Variants in SEMA4B observed in about 807,000 individuals in gnomAD.
SEMA4B encodes semaphorin 4B.
Under a neutral mutation model 88.1 loss-of-function variants are expected in SEMA4B, and 55 were observed. The observed-to-expected ratio is 0.62, with a 90% CI of 0.50 to 0.78. The LOEUF (loss-of-function observed/expected upper bound fraction) is 0.78, where lower values mean the gene tolerates loss of function less well. Ranked by LOEUF, SEMA4B falls within the 30% of genes least tolerant of loss-of-function variation. SEMA4B has a pLI of 0.00. For missense variants in SEMA4B, 1,062 were observed against 1,111.9 expected (o/e 0.96, Z 0.64); for synonymous variants, 525 against 473.6 (o/e 1.11, Z -1.41).
intron 3 of SEMA4B, among the ~76,000 whole-genome samples, chr15:90,218,765 G>A (rs1252054489): frequency 2.6e-5 from 4 of 152,282 alleles, no homozygotes; most frequent in South Asian, 2.1e-4. Flanking sequence ...GCAGTGAGCC[G>A]AGATCTCGCC....
At chr15:90,195,247 C>T (rs985694703) in intron 1 of SEMA4B, among the ~76,000 whole-genome samples, 2 of 152,070 alleles carry the variant, frequency 1.3e-5, no homozygotes, top group African/African-American at 4.8e-5. Context: ...GTGCGCACCA[C>T]CATGCCTGAG....
At position 90,217,530 on chromosome 15, in the gene SEMA4B, C is replaced by T. The variant is rs746426445; in HGVS notation, c.249C>T (p.Tyr83=). ...LLLSRDGRTL[Y]VGAREALFAL... is the part of the protein sequence containing the mutation. ...TGAGCAGGGATGGCAGGACCCTGTA[C>T]GTGGGTGCTCGAGAGGCCCTCTTTG... Residue 83 remains tyrosine (Y), a synonymous_variant, in exon 2 of 14, where the codon TAC becomes TAT. Coordinates refer to ENST00000411539, the MANE Select transcript of SEMA4B (RefSeq NM_198925.4). 47 of 1,613,848 alleles carry T rather than the reference C, an allele frequency of 2.9e-5. No homozygotes were observed. The highest frequency in any genetic ancestry group is 4.5e-5 in the East Asian group (2 of 44,882).
At chr15:90,210,698 A>C (rs1402397036) in intron 1 of SEMA4B, among the ~76,000 whole-genome samples, 1 of 152,006 alleles carries the variant, frequency 6.6e-6, no homozygotes, top group African/African-American at 2.4e-5. Flanking sequence ...GGAGACACGG[A>C]GTGATGCTTG....
chr15:90,194,094 C>A (rs944682407), intron 1 of SEMA4B, among the ~76,000 whole-genome samples: 1 of 152,010 alleles, frequency 6.6e-6, no homozygotes, highest in African/African-American at 2.4e-5. Context: ...TCAGGTGATG[C>A]GCCCACCTCA....
In SEMA4B at chr15:90,212,666, A is replaced by ACC. The variant is rs1326273346; in HGVS notation, c.158-4772_158-4771dup. ...TGTACACACACACACACACACACAC[A>ACC]CCACAGGCAAGCTCAGGCAGGGTCC... is the stretch of plus-strand genomic sequence containing the variant. On this transcript the variant is annotated intron_variant, in intron 1 of 13. Transcript: ENST00000411539. This position sits in a 1 kb window ranked among gnomAD's most constrained non-coding sequence, Gnocchi z 4.0. Among the ~76,000 whole-genome samples the ACC allele has an allele frequency of 4.0e-5, 6 of 148,896 alleles. No homozygotes were observed. The highest frequency in any genetic ancestry group is 2.2e-4 in the South Asian group (1 of 4,608).
At position 90,212,780 on chromosome 15, in the gene SEMA4B, C is replaced by T. The variant is rs1009218376; in HGVS notation, c.158-4659C>T. Among the ~76,000 whole-genome samples the T allele has an allele frequency of 3.9e-5, 6 of 152,216 alleles. No individual in the cohort carries two copies. The highest frequency in any genetic ancestry group is 2.1e-4 in the South Asian group (1 of 4,832). ...CACTCACACCGAGCACAGACCAGCT[C>T]GCGCCCACAACACGAGCCTGTGACA... On this transcript the variant is annotated intron_variant, in intron 1 of 13. Coordinates refer to ENST00000411539, the MANE Select transcript of SEMA4B (RefSeq NM_198925.4). The surrounding 1 kb of genome is among the most constrained non-coding windows in gnomAD (Gnocchi z 4.0).
upstream of SEMA4B, among the ~76,000 whole-genome samples, chr15:90,196,594 C>G (rs1384870905): frequency 2.0e-5 from 3 of 152,114 alleles, no homozygotes; most frequent in African/African-American, 7.2e-5. Flanking sequence ...TCAAGAGATT[C>G]TCCTGCCTCA....
At chr15:90,209,712 C>G (rs1856926067) in intron 1 of SEMA4B, among the ~76,000 whole-genome samples, 1 of 152,198 alleles carries the variant, frequency 6.6e-6, no homozygotes, top group African/African-American at 2.4e-5. Flanking sequence ...CCTTGCCCAG[C>G]CGGGGATCCA....
rs1182932976 is a variant in SEMA4B at position 90,223,687 on chromosome 15, C to T, written c.990C>T (p.Pro330=). 6 of 1,613,298 alleles carry T rather than the reference C, an allele frequency of 3.7e-6. No individual in the cohort carries two copies. Among genetic ancestry groups the T allele is most frequent in the Non-Finnish European group, 5.1e-6 (6 of 1,179,572 alleles). The change falls in exon 8 of 14, where the codon CCC becomes CCT. Residue 330 remains proline (P), a synonymous_variant. Coordinates refer to ENST00000411539, the MANE Select transcript of SEMA4B (RefSeq NM_198925.4). The part of the protein sequence containing the change: ...NVLQDVFTLS[P]SPQDWRDTLF... Reference sequence around the variant, plus strand: ...TGCAGGATGTCTTCACGCTGAGCCCCAGCCCCCAGGACTGGCGTGACACCC... The same window carrying T: ...TGCAGGATGTCTTCACGCTGAGCCCTAGCCCCCAGGACTGGCGTGACACCC...
chr15:90,228,468 C>A lies in SEMA4B; in HGVS notation c.2339C>A (p.Thr780Asn). Residue 780 changes from threonine (T) to asparagine (N), a missense_variant, in exon 14 of 14, where the codon ACC becomes AAC. Transcript: ENST00000411539. ...CTCAACGGCCTAGGGCCCCCTAGCA[C>A]CCCGCTCGATCACCGAGGGTACCAG... is the stretch of plus-strand genomic sequence containing the variant. ...RPLNGLGPPS[T>N]PLDHRGYQSL... 1.9e-6 allele frequency: 3 copies of A among 1,610,208 alleles called. No individual in the cohort carries two copies. Among genetic ancestry groups the A allele is most frequent in the Middle Eastern group, 1.7e-4 (1 of 6,058 alleles).
In SEMA4B at chr15:90,223,752, A is replaced by G. The variant is rs963900477; in HGVS notation, c.1043+12A>G. 1.2e-6 allele frequency: 2 copies of G among 1,603,784 alleles called. No individual in the cohort carries two copies. Among genetic ancestry groups the G allele is most frequent in the Admixed American group, 1.7e-5 (1 of 59,662 alleles). ...TTCACTTCCCAGTGGTAGGGCCTCCAGACCTCGCTGGAGATGGAAGGGTGA... is the reference window on the plus strand; with the variant it reads ...TTCACTTCCCAGTGGTAGGGCCTCCGGACCTCGCTGGAGATGGAAGGGTGA... On this transcript the variant is annotated intron_variant, in intron 8 of 13. Coordinates refer to ENST00000411539, the MANE Select transcript of SEMA4B (RefSeq NM_198925.4).
chr15:90,198,698 T>C (rs7173179), upstream of SEMA4B, among the ~76,000 whole-genome samples: 4,087 of 152,080 alleles, frequency 0.027, 164 homozygotes, highest in African/African-American at 0.093. Flanking sequence ...GGCTACTATA[T>C]ATGTACCTGG....
Position 90,228,832 on chromosome 15 carries a change from A to C in SEMA4B, c.*189A>C. ...GAAGCTCCTACCACCCAGACACCCA[A>C]ACAGCCGTGGCCCCAGAGGTCCTGG... On this transcript the variant is annotated 3_prime_UTR_variant, in exon 14 of 14. Transcript: ENST00000411539. The C allele has an allele frequency of 4.0e-6, 3 of 743,536 alleles. No individual in the cohort carries two copies. The highest frequency in any genetic ancestry group is 6.4e-6 in the Non-Finnish European group (3 of 469,620). The allele number at this position is 743,536 out of a possible 1,614,324, so 46.1% of individuals were successfully genotyped here.
Position 90,223,894 on chromosome 15 carries a change from A to C in SEMA4B, c.1100A>C (p.Gln367Pro). 1 of 1,613,958 alleles carries C rather than the reference A, an allele frequency of 6.2e-7. No homozygotes were observed. Among genetic ancestry groups the C allele is most frequent in the Non-Finnish European group, 8.5e-7 (1 of 1,179,870 alleles). Residue 367 changes from glutamine (Q) to proline (P), a missense_variant, in exon 9 of 14, where the codon CAG becomes CCG. Physicochemically the swap from Gln to Pro is moderately conservative, Grantham distance 76. Coordinates refer to ENST00000411539, the MANE Select transcript of SEMA4B (RefSeq NM_198925.4). ...TGTGTCTTCACAATGAAGGATGTGC[A>C]GAGAGTCTTCAGCGGCCTCTACAAG... ...AVCVFTMKDV[Q>P]RVFSGLYKEV...
chr15:90,215,245 A>G (rs1031985000), intron 1 of SEMA4B, among the ~76,000 whole-genome samples: 1 of 148,576 alleles, frequency 6.7e-6, no homozygotes, highest in Non-Finnish European at 1.5e-5. Flanking sequence ...TTTGATTTAT[A>G]TATTTCACAT....
chr15:90,227,706 C>CGG (rs1962246056), intron 13 of SEMA4B, 64 bp downstream of exon 13: 1 of 1,556,260 alleles, frequency 6.4e-7, no homozygotes, highest in Admixed American at 1.7e-5. Context: ...AAGGCTCCCC[C>CGG]AGGCACAGAT....
chr15:90,227,942 A>G lies in SEMA4B; in HGVS notation c.1813A>G (p.Thr605Ala), dbSNP rs946516412. Residue 605 changes from threonine to alanine, a missense_variant, in exon 14 of 14, where the codon ACA (threonine) becomes GCA (alanine). Transcript: ENST00000411539. ...TGAGCAAGTCCAGTTCCAGCCCAAC[A>G]CAGTGAACACTTTGGCCTGCCCGCT... ...PCEQVQFQPN[T>A]VNTLACPLLS... 6 of 1,613,380 alleles carry G rather than the reference A, an allele frequency of 3.7e-6. No individual in the cohort carries two copies. The Admixed American group carries it at 8.3e-5, about 22-fold the overall frequency.
In SEMA4B at chr15:90,217,593, G is replaced by A. The variant is rs763756479; in HGVS notation, c.312G>A (p.Glu104=). The A allele has an allele frequency of 6.2e-6, 10 of 1,613,560 alleles. No homozygotes were observed. Among genetic ancestry groups the A allele is most frequent in the South Asian group, 5.5e-5 (5 of 91,048 alleles). Residue 104 remains glutamate (E), a synonymous_variant, in exon 2 of 14, where the codon GAG becomes GAA. Coordinates refer to ENST00000411539, the MANE Select transcript of SEMA4B (RefSeq NM_198925.4). The part of the protein sequence containing the change: ...SSNLSFLPGG[E]YQELLWGADA... ...ACCTCAGCTTCCTGCCAGGCGGGGA[G>A]TACCAGGAGGTGAGAGATGTTGCCT... is the stretch of plus-strand genomic sequence containing the variant.
At chr15:90,204,688 T>C (rs34328903) in intron 1 of SEMA4B, among the ~76,000 whole-genome samples, 7 of 152,206 alleles carry the variant, frequency 4.6e-5, no homozygotes, top group Non-Finnish European at 1.0e-4. Flanking sequence ...CTTCCCAGCC[T>C]GGCCACGTGG....
Sources: allele counts gnomAD v4.1 joint callset (sites outside exome capture counted in the v4.1 genomes callset), GRCh38; gene constraint gnomAD v4.1.1; non-coding constraint Gnocchi (gnomAD v3.1); transcripts MANE v1.5; gene names NCBI Gene and HGNC (gene_info 2026-07-23, HGNC 2026-07-21).